Variants in FAM193B observed in about 807,000 individuals in gnomAD.
FAM193B encodes the protein family with sequence similarity 193 member B, also known as protein FAM193B.
FAM193B carries 27 observed loss-of-function variants against 70.7 expected under a neutral mutation model. The observed-to-expected ratio is 0.38, with a 90% CI of 0.28 to 0.53. The LOEUF (loss-of-function observed/expected upper bound fraction) is 0.53, where lower values mean the gene tolerates loss of function less well. Ranked by LOEUF, FAM193B falls within the 20% of genes least tolerant of loss-of-function variation. The probability of loss-of-function intolerance (pLI) is 0.81; values close to 1 mark genes in which losing one functional copy is unlikely to be tolerated. For missense variants in FAM193B, 1,022 were observed against 1,072.5 expected (o/e 0.95, Z 0.66); for synonymous variants, 448 against 436.0 (o/e 1.03, Z -0.34).
chr5:177,536,099 AG>A (rs1353701859), intron 4 of FAM193B, among the ~76,000 whole-genome samples: 2 of 151,788 alleles, frequency 1.3e-5, no homozygotes, highest in African/African-American at 4.8e-5. Flanking sequence ...TTTTGTAGAG[AG>A]GGGGGTCTTG....
In FAM193B at chr5:177,532,516, G is replaced by A. The variant is rs1338001357; in HGVS notation, c.1202C>T (p.Thr401Ile). 4 of 1,610,946 alleles carry A rather than the reference G, an allele frequency of 2.5e-6. No homozygotes were observed. The highest frequency in any genetic ancestry group is 1.3e-5 in the African/African-American group (1 of 74,892). ...ATCTCTCTGGTGGGTGGAGGATGAGGTGCAGGAGCTTCGCTCAGAGCTGCT... is the reference window on the plus strand; with the variant it reads ...ATCTCTCTGGTGGGTGGAGGATGAGATGCAGGAGCTTCGCTCAGAGCTGCT... Reference protein sequence around the residue: ...EDSSSERSSCTSSSTHQRDGK... With the variant: ...EDSSSERSSCISSSTHQRDGK... Residue 401 changes from threonine (T) to isoleucine (I), a missense_variant, in exon 5 of 9, where the codon ACC (threonine) becomes ATC (isoleucine). Thr to Ile is a moderately conservative substitution (Grantham distance 89). Transcript: ENST00000514747. The surrounding 1 kb of genome is among the most constrained non-coding windows in gnomAD (Gnocchi z 4.9).
chr5:177,531,574 A>C (rs1763469434), intron 5 of FAM193B: 1 of 1,205,362 alleles, frequency 8.3e-7, no homozygotes, highest in Non-Finnish European at 1.1e-6. Context: ...GGGGGCCCAC[A>C]GCACTCCCTC....
Position 177,536,404 on chromosome 5 carries a change from G to A in FAM193B, c.1030C>T (p.Pro344Ser). 1.2e-6 allele frequency: 2 copies of A among 1,608,736 alleles called. No homozygotes were observed. Among genetic ancestry groups the A allele is most frequent in the Non-Finnish European group, 1.7e-6 (2 of 1,178,518 alleles). The change falls in exon 4 of 9, where the codon CCT becomes TCT. Residue 344 changes from proline to serine, a missense_variant. Pro to Ser is a moderately conservative substitution (Grantham distance 74). Coordinates refer to ENST00000514747, the MANE Select transcript of FAM193B (RefSeq NM_001190946.3). Reference protein sequence around the residue: ...SGHCGGHCSGPLLPPPSSQPL... With the variant: ...SGHCGGHCSGSLLPPPSSQPL... ...TGAGAGCTCGGGGGTGGGAGGAGAG[G>A]CCCACTGCAGTGCCCACCACAGTGC...
In FAM193B at chr5:177,532,364, T is replaced by A. The variant is rs1763608975; in HGVS notation, c.1275+79A>T. On this transcript the variant is annotated intron_variant, in intron 5 of 8. Coordinates refer to ENST00000514747, the MANE Select transcript of FAM193B (RefSeq NM_001190946.3). This position sits in a 1 kb window ranked among gnomAD's most constrained non-coding sequence, Gnocchi z 4.9. ...GTAATTACCACCGTGAGCAACGGGGTCTCTGGGGAGAGCAGGGTGCTCCTT... is the reference window on the plus strand; with the variant it reads ...GTAATTACCACCGTGAGCAACGGGGACTCTGGGGAGAGCAGGGTGCTCCTT... 6.6e-7 allele frequency: 1 copy of A among 1,525,094 alleles called. No individual in the cohort carries two copies. Among genetic ancestry groups the A allele is most frequent in the Non-Finnish European group, 8.8e-7 (1 of 1,138,954 alleles). The allele number at this position is 1,525,094 out of a possible 1,614,324, so 94.5% of individuals were successfully genotyped here.
chr5:177,536,825 C>T, intron 3 of FAM193B, 80 bp from the exon 4 acceptor site: 2 of 1,494,256 alleles, frequency 1.3e-6, no homozygotes, highest in South Asian at 2.6e-5. Flanking sequence ...ACTGCCACAG[C>T]ATCCTGCTTC....
intron 1 of FAM193B, among the ~76,000 whole-genome samples, chr5:177,551,342 C>T (rs755012536): frequency 6.6e-6 from 1 of 151,940 alleles, no homozygotes; most frequent in Non-Finnish European, 1.5e-5. Flanking sequence ...GTGCTATAAA[C>T]GAGGATTTGG....
chr5:177,553,192 A>G (rs565883650), intron 1 of FAM193B: 1 of 985,712 alleles, frequency 1.0e-6, no homozygotes, highest in East Asian at 1.1e-4. Flanking sequence ...AGATTCTACT[A>G]GAAGGCTGTC....
chr5:177,553,861 A>G, intron 1 of FAM193B: 2 of 1,264,712 alleles, frequency 1.6e-6, no homozygotes, highest in Non-Finnish European at 2.0e-6. Flanking sequence ...GCAGTCGTCC[A>G]GTCCCAGAGC....
chr5:177,552,440 G>A (rs1267231095), intron 1 of FAM193B, among the ~76,000 whole-genome samples: 2 of 152,230 alleles, frequency 1.3e-5, no homozygotes, highest in Non-Finnish European at 2.9e-5. Flanking sequence ...AATTGATGAA[G>A]CTTAGAGCTC....
chr5:177,530,319 A>G (rs1224710961), intron 5 of FAM193B, among the ~76,000 whole-genome samples: 3 of 152,296 alleles, frequency 2.0e-5, no homozygotes, highest in Non-Finnish European at 2.9e-5. Context: ...CTTCGAGTCA[A>G]CATGCCTCAA....
chr5:177,553,807 A>G, intron 1 of FAM193B: 1 of 1,286,968 alleles, frequency 7.8e-7, no homozygotes, highest in Non-Finnish European at 1.0e-6. Context: ...CAGGCGCTGC[A>G]GGGGACGGAG....
At chr5:177,539,469 T>C (rs1014788366) in intron 1 of FAM193B, 1 of 263,504 alleles carries the variant, frequency 3.8e-6, no homozygotes, top group African/African-American at 2.2e-5. Context: ...TCTTAAAGGT[T>C]AAAGAGAAGA....
intron 1 of FAM193B, among the ~76,000 whole-genome samples, chr5:177,549,373 T>C (rs1329447690): frequency 1.3e-5 from 2 of 152,006 alleles, no homozygotes; most frequent in East Asian, 3.9e-4. Context: ...TTTTGTATTT[T>C]TAGTAGAGAC....
At chr5:177,552,305 G>C (rs1159929542) in intron 1 of FAM193B, among the ~76,000 whole-genome samples, 2 of 152,196 alleles carry the variant, frequency 1.3e-5, no homozygotes, top group Admixed American at 1.3e-4. Context: ...TAAACGCTGC[G>C]GAGAAATACA....
At chr5:177,553,554 A>G in intron 1 of FAM193B, 2 of 1,131,600 alleles carry the variant, frequency 1.8e-6, no homozygotes, top group Non-Finnish European at 2.2e-6. Context: ...GCAAGCTGGA[A>G]GCTTTGGGGA....
At chr5:177,537,567 T>C (rs1764316457) in intron 3 of FAM193B, among the ~76,000 whole-genome samples, 1 of 152,236 alleles carries the variant, frequency 6.6e-6, no homozygotes. Flanking sequence ...ATCTAAGTCC[T>C]ATGACTCCAC....
chr5:177,536,789 A>G, intron 3 of FAM193B, 44 bp from the exon 4 acceptor site: 1 of 1,534,516 alleles, frequency 6.5e-7, no homozygotes, highest in East Asian at 2.5e-5. Context: ...GGGAGCCCAG[A>G]CCTGGGAAGG....
At chr5:177,545,933 G>A (rs1482158256) in intron 1 of FAM193B, among the ~76,000 whole-genome samples, 1 of 152,090 alleles carries the variant, frequency 6.6e-6, no homozygotes, top group Non-Finnish European at 1.5e-5. Context: ...ATTCTATTTT[G>A]AAATGGCCCA....
chr5:177,525,196 TCTC>T lies in FAM193B; in HGVS notation c.1282_1284del (p.Glu428del), dbSNP rs770879664. On this transcript the variant is annotated inframe_deletion, in exon 6 of 9. Coordinates refer to ENST00000514747, the MANE Select transcript of FAM193B (RefSeq NM_001190946.3). The stretch of plus-strand genomic sequence containing the variant: ...AGAGCTTCTGCTGCCAACTGGGCCT[TCTC>T]CTTTTCCTGCCAAGGCAAGAGGCAG... 1.2e-4 allele frequency: 168 copies of T among 1,449,458 alleles called. No homozygotes were observed. The highest frequency in any genetic ancestry group is 1.4e-4 in the Non-Finnish European group (158 of 1,096,190). 89.8% of individuals were successfully genotyped at this position (1,449,458 alleles called of 1,614,324 possible).
Sources: gnomAD v4.1 joint callset for allele counts (sites outside exome capture counted in the v4.1 genomes callset) on GRCh38, gnomAD v4.1.1 for gene constraint, Gnocchi (gnomAD v3.1) non-coding constraint, MANE v1.5 for transcripts, NCBI Gene and HGNC (gene_info 2026-07-23, HGNC 2026-07-21) for gene names.